Variants in RTTN observed in about 807,000 individuals in gnomAD.
RTTN encodes the protein rotatin.
RTTN carries 182 observed loss-of-function variants against 269.2 expected under a neutral mutation model. The ratio of observed to expected loss-of-function variants is 0.68; its 90% CI spans 0.60 to 0.76. RTTN has a LOEUF of 0.76. Ranked by LOEUF, RTTN falls within the 30% of genes least tolerant of loss-of-function variation. RTTN has a pLI of 0.00. For missense variants in RTTN, 2,545 were observed against 2,608.6 expected, an observed-to-expected ratio of 0.98 and a Z score of 0.53; for synonymous variants, 1,006 against 963.5, an observed-to-expected ratio of 1.04 and a Z score of -0.82.
At chr18:70,040,287 T>G (rs758019263) in intron 40 of RTTN, among the ~76,000 whole-genome samples, 1 of 114,762 alleles carries the variant, frequency 8.7e-6, no homozygotes, top group East Asian at 3.0e-4. Flanking sequence ...GAAAAAGACA[T>G]TCCATGCCAA....
intron 10 of RTTN, among the ~76,000 whole-genome samples, chr18:70,182,579 C>T (rs2061444808): frequency 6.6e-6 from 1 of 151,844 alleles, no homozygotes; most frequent in Non-Finnish European, 1.5e-5. Context: ...AGATAGAATG[C>T]CAAATCTTCA....
chr18:70,156,625 T>TG (rs1202581976), intron 14 of RTTN, among the ~76,000 whole-genome samples: 2 of 152,200 alleles, frequency 1.3e-5, no homozygotes, highest in Non-Finnish European at 2.9e-5. Context: ...CTTGCTGGTT[T>TG]TGCAGCTTGT....
intron 44 of RTTN, among the ~76,000 whole-genome samples, chr18:70,023,661 C>T (rs2056770207): frequency 6.6e-6 from 1 of 152,124 alleles, no homozygotes. Flanking sequence ...AATCTGTCTA[C>T]TTCTCTCAAT....
At chr18:70,018,511 C>T (rs1396401367) in intron 45 of RTTN, among the ~76,000 whole-genome samples, 1 of 152,208 alleles carries the variant, frequency 6.6e-6, no homozygotes, top group Non-Finnish European at 1.5e-5. Flanking sequence ...TTTAAATCTA[C>T]TCCAGTTTAT....
rs1222934108 is a variant in RTTN at position 70,057,818 on chromosome 18, G to A, written c.4955C>T (p.Thr1652Ile). ...TTCCTGGACACATGTCTGTATGAGG[G>A]TAGCATCTGCAATGCTGTGACGATC... Reference protein sequence around the residue: ...IELLCSIADATLIQTCVQELR... With the variant: ...IELLCSIADAILIQTCVQELR... The change falls in exon 37 of 49, where the codon ACC becomes ATC. Residue 1652 changes from threonine (T) to isoleucine (I), a missense_variant. Physicochemically the swap from Thr to Ile is moderately conservative, Grantham distance 89. Transcript: ENST00000640769. The A allele has an allele frequency of 2.5e-6, 4 of 1,613,148 alleles. No homozygotes were observed. The African/African-American group carries it at 5.3e-5, about 22-fold the overall frequency.
intron 40 of RTTN, among the ~76,000 whole-genome samples, chr18:70,035,969 C>G (rs562389472): frequency 6.6e-6 from 1 of 152,298 alleles, no homozygotes; most frequent in Non-Finnish European, 1.5e-5. Context: ...CATCACTGAT[C>G]ATTAGAGAAA....
chr18:70,074,190 C>A (rs945906987), intron 33 of RTTN, among the ~76,000 whole-genome samples, 196 bp from the exon 34 acceptor site: 5 of 151,406 alleles, frequency 3.3e-5, no homozygotes, highest in Admixed American at 6.6e-5. Context: ...GCATAAGAAT[C>A]ACTGAGAGCT....
intron 32 of RTTN, among the ~76,000 whole-genome samples, chr18:70,078,399 T>C (rs897390834): frequency 1.3e-5 from 2 of 151,956 alleles, no homozygotes; most frequent in African/African-American, 4.8e-5. Context: ...TACAATCATT[T>C]TGAGAATTAT....
At chr18:70,076,911 C>G (rs112823811) in intron 32 of RTTN, among the ~76,000 whole-genome samples, 1 of 151,752 alleles carries the variant, frequency 6.6e-6, no homozygotes, top group South Asian at 2.1e-4. Context: ...CCCAAAATCA[C>G]AGTCAATCTT....
At position 70,020,612 on chromosome 18, in the gene RTTN, T is replaced by C. The variant is rs1468651885; in HGVS notation, c.6153+3A>G. On this transcript the variant is annotated splice_donor_region_variant and intron_variant, in intron 45 of 48. Coordinates refer to ENST00000640769, the MANE Select transcript of RTTN (RefSeq NM_173630.4). Reference sequence around the variant, plus strand: ...AAGATATGTGGGGAGTTTAAGTGCGTACCTTCTGAATTACTCCTTTACAGT... The same window carrying C: ...AAGATATGTGGGGAGTTTAAGTGCGCACCTTCTGAATTACTCCTTTACAGT... 1.2e-6 allele frequency: 2 copies of C among 1,611,990 alleles called. 1 individual carries two copies.
chr18:70,198,937 A>C (rs2061881298), intron 5 of RTTN, among the ~76,000 whole-genome samples: 1 of 152,168 alleles, frequency 6.6e-6, no homozygotes, highest in Non-Finnish European at 1.5e-5. Context: ...CTGGAATCTC[A>C]GCACTTTGAG....
intron 25 of RTTN, 62 bp from the exon 26 acceptor site, chr18:70,121,762 A>G: frequency 5.8e-6 from 8 of 1,388,506 alleles, no homozygotes; most frequent in Non-Finnish European, 7.7e-6. Context: ...ACCACTGTTC[A>G]TCATAGATAT....
At chr18:70,118,506 CCAAA>C (rs1449734371) in intron 26 of RTTN, among the ~76,000 whole-genome samples, 1 of 152,018 alleles carries the variant, frequency 6.6e-6, no homozygotes, top group African/African-American at 2.4e-5. Context: ...CTGAATTCCA[CCAAA>C]CATTTAAAGA....
At chr18:70,096,330 T>A (rs2059003617) in intron 28 of RTTN, among the ~76,000 whole-genome samples, 1 of 152,216 alleles carries the variant, frequency 6.6e-6, no homozygotes, top group Non-Finnish European at 1.5e-5. Context: ...CTATCCAGTT[T>A]TGTTCCCTTG....
intron 40 of RTTN, among the ~76,000 whole-genome samples, chr18:70,041,541 A>C (rs960493975): frequency 1.3e-5 from 2 of 152,106 alleles, no homozygotes; most frequent in Non-Finnish European, 2.9e-5. Context: ...GAAATTTAGC[A>C]CCAGGCATCC....
At position 70,101,303 on chromosome 18, in the gene RTTN, C is replaced by T. The variant is rs148532083; in HGVS notation, c.3903+8195G>A. ...TTGAACTTCTTCCTGGTTTAGTCTT[C>T]GGAGGGTGTATGTGTCCAGAAATTT... On this transcript the variant is annotated intron_variant, in intron 28 of 48. Transcript: ENST00000640769. 4.6e-3 allele frequency among the ~76,000 whole-genome samples: 693 copies of T among 152,126 alleles called. 5 individuals carry two copies. The highest frequency in any genetic ancestry group is 0.016 in the African/African-American group (651 of 41,542).
At chr18:70,009,734 T>C in intron 46 of RTTN, among the ~76,000 whole-genome samples, 1 of 152,136 alleles carries the variant, frequency 6.6e-6, no homozygotes, top group Non-Finnish European at 1.5e-5. Context: ...GTAACAATAT[T>C]AACCTTAAAT....
intron 32 of RTTN, 64 bp downstream of exon 32, chr18:70,086,549 T>G (rs985502519): frequency 8.9e-6 from 11 of 1,239,486 alleles, no homozygotes; most frequent in Non-Finnish European, 9.3e-6. Context: ...CTACTTATAC[T>G]GAAAATTTAT....
At chr18:70,144,670 C>T (rs1008154809) in intron 18 of RTTN, among the ~76,000 whole-genome samples, 5 of 152,188 alleles carry the variant, frequency 3.3e-5, no homozygotes, top group African/African-American at 4.8e-5. Context: ...GAAGTCCCAA[C>T]CAGACCTGGT....
Sources: gnomAD v4.1 joint callset for allele counts (sites outside exome capture counted in the v4.1 genomes callset) on GRCh38, gnomAD v4.1.1 for gene constraint, MANE v1.5 for transcripts, NCBI Gene and HGNC (gene_info 2026-07-23, HGNC 2026-07-21) for gene names.